The following TLCD1 variants were observed in gnomAD, a reference collection of about 807,000 sequenced individuals.
TLCD1 encodes TLC domain containing 1, also known as TLC domain-containing protein 1.
In TLCD1, 21 loss-of-function variants were observed where a neutral mutation model predicts 21.2. That is an observed-to-expected ratio of 0.99 (90% CI 0.70 to 1.42). The LOEUF (loss-of-function observed/expected upper bound fraction) is 1.42, where lower values mean the gene tolerates loss of function less well. Among genes scored for constraint, TLCD1 ranks in the 40% most tolerant of loss-of-function variants. The pLI is 0.00. For missense variants in TLCD1, 344 were observed against 330.3 expected (o/e 1.04, Z -0.32); for synonymous variants, 168 against 134.8 (o/e 1.25, Z -1.71).
At chr17:28,725,646 G>T in intron 1 of TLCD1, 83 bp from the exon 2 acceptor site, 1 of 1,441,798 alleles carries the variant, frequency 6.9e-7, no homozygotes, top group Non-Finnish European at 9.7e-7. Context: ...CAGCCCCGGG[G>T]GATCCTGGGC....
Position 28,725,465 on chromosome 17 carries a change from C to T in TLCD1, c.277+16G>A, listed in dbSNP as rs781688145. 26 of 1,614,198 alleles carry T rather than the reference C, an allele frequency of 1.6e-5. No individual in the cohort carries two copies. The Admixed American group carries it at 4.3e-4, about 27-fold the overall frequency. On this transcript the variant is annotated intron_variant, in intron 2 of 3. Coordinates refer to ENST00000292090, the MANE Select transcript of TLCD1 (RefSeq NM_138463.4). Reference sequence around the variant, plus strand: ...CCTGTCCCCAATTTGCCTCCCGCTTCCTGGGCAAGACCTACCCGCAGAGAA... The same window carrying T: ...CCTGTCCCCAATTTGCCTCCCGCTTTCTGGGCAAGACCTACCCGCAGAGAA...
Position 28,724,646 on chromosome 17 carries a change from A to G in TLCD1, c.608T>C (p.Leu203Pro). The part of the protein sequence containing the change: ...FFLRYVNQRT[L>P]GTFLLGILLM... ...CAGGATACCCAGCAGGAAGGTGCCCAGGGTCCTCTGGTTCACATAACGCAA... is the reference window on the plus strand; with the variant it reads ...CAGGATACCCAGCAGGAAGGTGCCCGGGGTCCTCTGGTTCACATAACGCAA... Residue 203 changes from leucine to proline, a missense_variant, in exon 4 of 4, where the codon CTG becomes CCG. Coordinates refer to ENST00000292090, the MANE Select transcript of TLCD1 (RefSeq NM_138463.4). 1.2e-6 allele frequency: 2 copies of G among 1,614,176 alleles called. No homozygotes were observed. The highest frequency in any genetic ancestry group is 2.2e-5 in the South Asian group (2 of 91,084).
In TLCD1 at chr17:28,724,954, G is replaced by T. The variant is rs770009952; in HGVS notation, c.361-61C>A. The T allele has an allele frequency of 1.4e-5, 22 of 1,551,058 alleles. No individual in the cohort carries two copies. In the South Asian group the frequency reaches 2.3e-4, roughly 16 times the overall value. ...GATGCAGACGCTTTCCTGGAAGTTT[G>T]GGGGGTGTGGCTATCAGATTGAGGG... On this transcript the variant is annotated intron_variant, in intron 3 of 3. Coordinates refer to ENST00000292090, the MANE Select transcript of TLCD1 (RefSeq NM_138463.4).
At chr17:28,726,289 C>A, upstream of TLCD1, 1 of 1,150,986 alleles carries the variant, frequency 8.7e-7, no homozygotes, top group Non-Finnish European at 1.1e-6. Context: ...CCCCCAGCCG[C>A]CCGCGCCCCC....
chr17:28,725,171 C>T (rs928265496), intron 3 of TLCD1, 133 bp downstream of exon 3: 3 of 1,064,286 alleles, frequency 2.8e-6, no homozygotes, highest in Admixed American at 4.6e-5. Flanking sequence ...CTCCAGCATC[C>T]TAGCATAAGA....
chr17:28,726,934 G>A, upstream of TLCD1: 6 of 957,012 alleles, frequency 6.3e-6, no homozygotes, highest in Non-Finnish European at 8.0e-6. Context: ...CGATTTGCCG[G>A]GACAGCTGGA....
Position 28,725,381 on chromosome 17 carries a change from A to G in TLCD1, c.283T>C (p.Phe95Leu). 6.2e-7 allele frequency: 1 copy of G among 1,614,184 alleles called. No homozygotes were observed. The highest frequency in any genetic ancestry group is 8.5e-7 in the Non-Finnish European group (1 of 1,180,026). The change falls in exon 3 of 4, where the codon TTC becomes CTC. Residue 95 changes from phenylalanine to leucine, a missense_variant. By Grantham distance (22) the Phe-to-Leu change is conservative. Coordinates refer to ENST00000292090, the MANE Select transcript of TLCD1 (RefSeq NM_138463.4). Reference sequence around the variant, plus strand: ...ACGATGTCCACCGTATCGTGGATGAAATACCCTAGTGGAGGGATGGGGCAA... The same window carrying G: ...ACGATGTCCACCGTATCGTGGATGAGATACCCTAGTGGAGGGATGGGGCAA... Reference protein sequence around the residue: ...YLLVCFSAGYFIHDTVDIVAS... With the variant: ...YLLVCFSAGYLIHDTVDIVAS...
intron 3 of TLCD1, among the ~76,000 whole-genome samples, 162 bp downstream of exon 3, chr17:28,725,142 A>G (rs926010791): frequency 2.0e-5 from 3 of 152,150 alleles, no homozygotes; most frequent in African/African-American, 7.2e-5. Flanking sequence ...GCCTCAGTGA[A>G]CAAGTACAGA....
upstream of TLCD1, chr17:28,726,919 A>C (rs1597801412): frequency 9.0e-7 from 1 of 1,105,298 alleles, no homozygotes; most frequent in Admixed American, 2.0e-5. Flanking sequence ...GGCAAGCAAG[A>C]CCTCCGATTT....
Position 28,724,780 on chromosome 17 carries a change from T to G in TLCD1, c.474A>C (p.Lys158Asn), listed in dbSNP as rs1412228597. 1.2e-6 allele frequency: 2 copies of G among 1,613,962 alleles called. No individual in the cohort carries two copies. The highest frequency in any genetic ancestry group is 1.7e-6 in the Non-Finnish European group (2 of 1,180,012). Residue 158 changes from lysine to asparagine, a missense_variant, in exon 4 of 4, where the codon AAA becomes AAC. Transcript: ENST00000292090. ...GGAGATGATCCTGGGCATTACTGAT[T>G]TTCATCATCATGCGAATGGTGAGGA... ...NIFLTIRMMM[K>N]ISNAQDHLLY...
At chr17:28,726,674 C>A (rs1225819323), upstream of TLCD1, 5 of 1,400,160 alleles carry the variant, frequency 3.6e-6, no homozygotes, top group Non-Finnish European at 4.9e-6. Context: ...CTCCGGAGCC[C>A]CGCGTCCGAC....
chr17:28,725,650 C>T, intron 1 of TLCD1, 87 bp from the exon 2 acceptor site: 2 of 1,429,360 alleles, frequency 1.4e-6, no homozygotes, highest in Non-Finnish European at 2.0e-6. Context: ...CCCGGGGGAT[C>T]CTGGGCTCGC....
Position 28,724,819 on chromosome 17 carries a change from T to A in TLCD1, c.435A>T (p.Glu145Asp), listed in dbSNP as rs1347355168. The change falls in exon 4 of 4, where the codon GAA becomes GAT. Residue 145 changes from glutamate to aspartate, a missense_variant. Glu to Asp is a conservative substitution (Grantham distance 45). Transcript: ENST00000292090. ...VGGGVLTLLV[E>D]VSNIFLTIRM... ...GAATGGTGAGGAAGATGTTGCTGAC[T>A]TCCACCAGTAGTGTTAAGACACCCC... is the stretch of plus-strand genomic sequence containing the variant. 10 of 1,613,972 alleles carry A rather than the reference T, an allele frequency of 6.2e-6. 1 individual carries two copies. Among genetic ancestry groups the A allele is most frequent in the Admixed American group, 3.3e-5 (2 of 60,000 alleles).
chr17:28,726,892 C>T, upstream of TLCD1: 1 of 1,399,600 alleles, frequency 7.1e-7, no homozygotes, highest in Non-Finnish European at 9.8e-7. Context: ...GCCCTCGGCC[C>T]GGCTCCCCGG....
At position 28,724,454 on chromosome 17, in the gene TLCD1, C is replaced by T; in HGVS notation, c.*56G>A. The T allele has an allele frequency of 6.3e-7, 1 of 1,577,678 alleles. No homozygotes were observed. Among genetic ancestry groups the T allele is most frequent in the Non-Finnish European group, 8.6e-7 (1 of 1,161,310 alleles). On this transcript the variant is annotated 3_prime_UTR_variant, in exon 4 of 4. Coordinates refer to ENST00000292090, the MANE Select transcript of TLCD1 (RefSeq NM_138463.4). ...CAGGCTTGGGGCTAAGTCCCAGTGT[C>T]CATATGAAGCTGTTTCTGGCCTTGT... is the stretch of plus-strand genomic sequence containing the variant.
chr17:28,725,155 G>T, intron 3 of TLCD1, 149 bp downstream of exon 3: 1 of 967,938 alleles, frequency 1.0e-6, no homozygotes, highest in Non-Finnish European at 1.5e-6. Context: ...AGTACAGACT[G>T]CCAACCTCCA....
At chr17:28,726,851 G>A (rs2034240807), upstream of TLCD1, 1 of 1,535,148 alleles carries the variant, frequency 6.5e-7, no homozygotes. Flanking sequence ...GGGGCCGGGC[G>A]GCTGTCACAG....
Position 28,724,798 on chromosome 17 carries a change from G to T in TLCD1, c.456C>A (p.Thr152=). 3 of 1,614,060 alleles carry T rather than the reference G, an allele frequency of 1.9e-6. No individual in the cohort carries two copies. Among genetic ancestry groups the T allele is most frequent in the Non-Finnish European group, 2.5e-6 (3 of 1,180,028 alleles). The change falls in exon 4 of 4, where the codon ACC becomes ACA. Residue 152 remains threonine (T), a synonymous_variant. Coordinates refer to ENST00000292090, the MANE Select transcript of TLCD1 (RefSeq NM_138463.4). ...LLVEVSNIFL[T]IRMMMKISNA... ...TACTGATTTTCATCATCATGCGAAT[G>T]GTGAGGAAGATGTTGCTGACTTCCA...
chr17:28,725,689 G>A, intron 1 of TLCD1, 126 bp from the exon 2 acceptor site: 1 of 1,216,632 alleles, frequency 8.2e-7, no homozygotes, highest in East Asian at 2.5e-5. Context: ...AGCTAAGAGT[G>A]GCTGGGCAAA....
Sources: allele counts gnomAD v4.1 joint callset (sites outside exome capture counted in the v4.1 genomes callset), GRCh38; gene constraint gnomAD v4.1.1; transcripts MANE v1.5; gene names NCBI Gene and HGNC (gene_info 2026-07-23, HGNC 2026-07-21).